The following SLC9A1 variants were observed in gnomAD, a reference collection of about 807,000 sequenced individuals.
The protein encoded by SLC9A1 is solute carrier family 9 member A1.
In SLC9A1, 22 loss-of-function variants were observed where a neutral mutation model predicts 67.9. The ratio of observed to expected loss-of-function variants is 0.32; its 90% CI spans 0.23 to 0.46. The LOEUF is 0.46. Ranked by LOEUF, SLC9A1 falls within the 20% of genes least tolerant of loss-of-function variation. The probability of loss-of-function intolerance (pLI) is 1.00; values close to 1 mark genes in which losing one functional copy is unlikely to be tolerated. For synonymous variants in SLC9A1, 421 were observed against 471.8 expected (o/e 0.89, Z 1.40); for missense variants, 686 against 1,094.8 (o/e 0.63, Z 5.27).
At chr1:27,130,957 C>T (rs2083380002) in intron 1 of SLC9A1, among the ~76,000 whole-genome samples, 1 of 152,230 alleles carries the variant, frequency 6.6e-6, no homozygotes, top group Admixed American at 6.5e-5. Flanking sequence ...TGTCTGCCAA[C>T]CAGTTCACCC....
At chr1:27,120,712 T>C (rs891055861) in intron 1 of SLC9A1, among the ~76,000 whole-genome samples, 4 of 151,810 alleles carry the variant, frequency 2.6e-5, no homozygotes, top group Admixed American at 2.6e-4. Flanking sequence ...CACTCCAGCC[T>C]GGGCAATAGA....
intron 1 of SLC9A1, among the ~76,000 whole-genome samples, chr1:27,131,998 T>G (rs1433740344): frequency 7.0e-6 from 1 of 143,268 alleles, no homozygotes; most frequent in Non-Finnish European, 1.5e-5. Context: ...CTACACTTAT[T>G]GAAGGCTTCT....
Position 27,101,707 on chromosome 1 carries a change from G to A in SLC9A1, c.2037+18C>T. The A allele has an allele frequency of 6.4e-7, 1 of 1,571,996 alleles. No homozygotes were observed. Among genetic ancestry groups the A allele is most frequent in the Non-Finnish European group, 8.7e-7 (1 of 1,145,304 alleles). On this transcript the variant is annotated intron_variant, in intron 10 of 11. Transcript: ENST00000263980. The surrounding 1 kb of genome is among the most constrained non-coding windows in gnomAD (Gnocchi z 4.9). ...GAGTGGGGTGGGATACAGATTCCCA[G>A]AGGAAGGCAGAGGCTACCTTCTGCT...
intron 1 of SLC9A1, among the ~76,000 whole-genome samples, chr1:27,128,177 G>A (rs544767451): frequency 1.3e-5 from 2 of 152,316 alleles, no homozygotes; most frequent in Admixed American, 1.3e-4. Context: ...GTCCATCAAT[G>A]AGGGAGGTAG....
chr1:27,100,201 A>G lies in SLC9A1; in HGVS notation c.*106T>C. The G allele has an allele frequency of 1.3e-6, 1 of 750,810 alleles. No individual in the cohort carries two copies. The highest frequency in any genetic ancestry group is 2.0e-6 in the Non-Finnish European group (1 of 493,674). The allele number at this position is 750,810 out of a possible 1,614,324, so 46.5% of individuals were successfully genotyped here. On this transcript the variant is annotated 3_prime_UTR_variant, in exon 12 of 12. Coordinates refer to ENST00000263980, the MANE Select transcript of SLC9A1 (RefSeq NM_003047.5). This position sits in a 1 kb window ranked among gnomAD's most constrained non-coding sequence, Gnocchi z 5.6. ...GGCCCAGCTGCCATGCGGTAGGGGGAGGGGCAGGGCCAATCCGGGTCAGGA... is the reference window on the plus strand; with the variant it reads ...GGCCCAGCTGCCATGCGGTAGGGGGGGGGGCAGGGCCAATCCGGGTCAGGA...
At chr1:27,143,046 T>TAAAAA (rs55970751) in intron 1 of SLC9A1, among the ~76,000 whole-genome samples, 4 of 98,460 alleles carry the variant, frequency 4.1e-5, no homozygotes, top group African/African-American at 1.6e-4. Flanking sequence ...ATCAACTGTG[T>TAAAAA]AAAAAAAAAA....
intron 5 of SLC9A1, among the ~76,000 whole-genome samples, chr1:27,105,000 TGGAA>T (rs2083174305): frequency 1.3e-5 from 2 of 152,196 alleles, no homozygotes; most frequent in African/African-American, 4.8e-5. Flanking sequence ...AGCAGCAGGC[TGGAA>T]GGATTCTTGG....
chr1:27,151,270 C>G (rs938277177), intron 1 of SLC9A1, among the ~76,000 whole-genome samples: 10 of 152,194 alleles, frequency 6.6e-5, no homozygotes, highest in Non-Finnish European at 1.5e-5. Context: ...TGAACACTTC[C>G]TGTGTATACA....
In SLC9A1 at chr1:27,101,290, A is replaced by G; in HGVS notation, c.2038-15T>C. 6.2e-7 allele frequency: 1 copy of G among 1,608,298 alleles called. No homozygotes were observed. The highest frequency in any genetic ancestry group is 8.5e-7 in the Non-Finnish European group (1 of 1,176,976). Reference sequence around the variant, plus strand: ...TAGTTGTTGATCTGACAGAGAGGACAGACGGGGTGAGCACAGGCAGCTGGG... The same window carrying G: ...TAGTTGTTGATCTGACAGAGAGGACGGACGGGGTGAGCACAGGCAGCTGGG... On this transcript the variant is annotated splice_polypyrimidine_tract_variant and intron_variant, in intron 10 of 11. Transcript: ENST00000263980. The surrounding 1 kb of genome is among the most constrained non-coding windows in gnomAD (Gnocchi z 4.9).
chr1:27,131,947 AATATATATAT>A (rs71010329), intron 1 of SLC9A1, among the ~76,000 whole-genome samples: 1 of 52,124 alleles, frequency 1.9e-5, no homozygotes, highest in South Asian at 6.1e-4. Context: ...AGAAAAAAAA[AATATATATAT>A]ATATATATAT....
Position 27,100,625 on chromosome 1 carries a change from C to T in SLC9A1, c.2130G>A (p.Pro710=), listed in dbSNP as rs762655180. Residue 710 remains proline, a synonymous_variant, in exon 12 of 12, where the codon CCG becomes CCA. Transcript: ENST00000263980. This position sits in a 1 kb window ranked among gnomAD's most constrained non-coding sequence, Gnocchi z 5.6. ...RIGSDPLAYE[P]KEDLPVITID... ...TGGTGATGACAGGCAGGTCCTCCTT[C>T]GGCTCATAGGCCAGTGGGTCTGGGG... is the stretch of plus-strand genomic sequence containing the variant. 29 of 1,609,650 alleles carry T rather than the reference C, an allele frequency of 1.8e-5. No individual in the cohort carries two copies. Among genetic ancestry groups the T allele is most frequent in the East Asian group, 2.2e-5 (1 of 44,882 alleles).
chr1:27,127,869 C>T (rs1293441919), intron 1 of SLC9A1, among the ~76,000 whole-genome samples: 1 of 152,138 alleles, frequency 6.6e-6, no homozygotes. Context: ...AGGCCTGAGT[C>T]AAGCCCAGGC....
In SLC9A1 at chr1:27,148,238, A is replaced by G. The variant is rs1452804863; in HGVS notation, c.352+5745T>C. Among the ~76,000 whole-genome samples the G allele has an allele frequency of 1.3e-5, 2 of 152,158 alleles. 1 individual carries two copies. Among genetic ancestry groups the G allele is most frequent in the East Asian group, 3.8e-4 (2 of 5,198 alleles). On this transcript the variant is annotated intron_variant, in intron 1 of 11. Transcript: ENST00000263980. ...ATTTGCTGCTCCACAGATAAGGGCTATGAGAATGTCAGTCCCCAGTGCAAC... is the reference window on the plus strand; with the variant it reads ...ATTTGCTGCTCCACAGATAAGGGCTGTGAGAATGTCAGTCCCCAGTGCAAC...
chr1:27,138,975 T>G (rs531436550), intron 1 of SLC9A1, among the ~76,000 whole-genome samples: 1 of 151,868 alleles, frequency 6.6e-6, no homozygotes, highest in African/African-American at 2.4e-5. Flanking sequence ...ATCACCCGGG[T>G]TGGAGAAGAT....
chr1:27,124,537 G>A (rs1413096469), intron 1 of SLC9A1, among the ~76,000 whole-genome samples: 3 of 152,226 alleles, frequency 2.0e-5, no homozygotes, highest in Non-Finnish European at 4.4e-5. Context: ...CAATTGCCCT[G>A]CAGAAAGCAA....
intron 1 of SLC9A1, among the ~76,000 whole-genome samples, chr1:27,150,351 T>C (rs182610672): frequency 7.0e-4 from 106 of 152,310 alleles, no homozygotes; most frequent in Middle Eastern, 3.4e-3. Context: ...ACAAGATGAA[T>C]ACCTGCTTTA....
At chr1:27,122,818 G>A (rs537835391) in intron 1 of SLC9A1, among the ~76,000 whole-genome samples, 2 of 152,330 alleles carry the variant, frequency 1.3e-5, no homozygotes, top group South Asian at 2.1e-4. Context: ...ACTGGATCAA[G>A]AGTCCCCATG....
intron 1 of SLC9A1, among the ~76,000 whole-genome samples, chr1:27,125,139 ACTG>A (rs778175422): frequency 2.0e-5 from 3 of 149,100 alleles, no homozygotes; most frequent in Non-Finnish European, 4.4e-5. Flanking sequence ...CACCGCCTCC[ACTG>A]CTAACACCCA....
chr1:27,100,021 A>G lies in SLC9A1; in HGVS notation c.*286T>C. On this transcript the variant is annotated 3_prime_UTR_variant, in exon 12 of 12. Coordinates refer to ENST00000263980, the MANE Select transcript of SLC9A1 (RefSeq NM_003047.5). This position sits in a 1 kb window ranked among gnomAD's most constrained non-coding sequence, Gnocchi z 5.6. Reference sequence around the variant, plus strand: ...CAGAGGGAGGAGCCTCCGAGGCCCTAGTCCAGGTCCGGGAGAAGCCTGGAT... The same window carrying G: ...CAGAGGGAGGAGCCTCCGAGGCCCTGGTCCAGGTCCGGGAGAAGCCTGGAT... 5.1e-6 allele frequency: 2 copies of G among 391,052 alleles called. No homozygotes were observed. The highest frequency in any genetic ancestry group is 9.1e-6 in the Non-Finnish European group (2 of 219,508). 24.2% of individuals were successfully genotyped at this position (391,052 alleles called of 1,614,324 possible).
Sources: allele counts gnomAD v4.1 joint callset (sites outside exome capture counted in the v4.1 genomes callset), GRCh38; gene constraint gnomAD v4.1.1; non-coding constraint Gnocchi (gnomAD v3.1); transcripts MANE v1.5; gene names NCBI Gene and HGNC (gene_info 2026-07-23, HGNC 2026-07-21).